PTPRR: variants seen among roughly 807,000 people sequenced by gnomAD.
The protein encoded by PTPRR is receptor-type tyrosine-protein phosphatase R.
PTPRR carries 38 observed loss-of-function variants against 77.2 expected under a neutral mutation model. The ratio of observed to expected loss-of-function variants is 0.49; its 90% CI spans 0.38 to 0.65. The LOEUF (loss-of-function observed/expected upper bound fraction) is 0.65, where lower values mean the gene tolerates loss of function less well. Ranked by LOEUF, PTPRR falls within the 30% of genes least tolerant of loss-of-function variation. The probability of loss-of-function intolerance (pLI) is 0.00; values close to 1 mark genes in which losing one functional copy is unlikely to be tolerated. For synonymous variants in PTPRR, 299 were observed against 283.1 expected (o/e 1.06, Z -0.57); for missense variants, 744 against 799.2 (o/e 0.93, Z 0.83).
intron 13 of PTPRR, among the ~76,000 whole-genome samples, chr12:70,647,385 T>G (rs1016722947): frequency 6.6e-6 from 1 of 152,244 alleles, no homozygotes; most frequent in Non-Finnish European, 1.5e-5. Flanking sequence ...ACGAATTGAT[T>G]TGTAGTCATA....
At chr12:70,729,926 TA>T (rs1889592808) in intron 6 of PTPRR, among the ~76,000 whole-genome samples, 4 of 19,210 alleles carry the variant, frequency 2.1e-4, no homozygotes, top group Non-Finnish European at 8.6e-4. Flanking sequence ...TTTGACGTTC[TA>T]ATGTCATTTG....
At chr12:70,690,783 A>T (rs1364801248) in intron 8 of PTPRR, among the ~76,000 whole-genome samples, 1 of 152,200 alleles carries the variant, frequency 6.6e-6, no homozygotes, top group Non-Finnish European at 1.5e-5. Flanking sequence ...CTTTCCATCA[A>T]GAGTTGAAAG....
At position 70,892,687 on chromosome 12, in the gene PTPRR, T is replaced by C. The variant is rs768301287; in HGVS notation, c.349A>G (p.Ile117Val). The C allele has an allele frequency of 6.2e-7, 1 of 1,612,964 alleles. No individual in the cohort carries two copies. The highest frequency in any genetic ancestry group is 1.3e-5 in the African/African-American group (1 of 74,856). ...ENLPIPAANV[I>V]VVTLQMDVNK... ...TTTAACATACTACTTACCACCACAATTACATTTGCTGCTGGGATTGGGAGA... is the reference window on the plus strand; with the variant it reads ...TTTAACATACTACTTACCACCACAACTACATTTGCTGCTGGGATTGGGAGA... Residue 117 changes from isoleucine (I) to valine (V), a missense_variant, in exon 2 of 14, where the codon ATT becomes GTT. Coordinates refer to ENST00000283228, the MANE Select transcript of PTPRR (RefSeq NM_002849.4).
Position 70,660,147 on chromosome 12 carries a change from A to G in PTPRR, c.1766+793T>C, listed in dbSNP as rs1886741649. 3.3e-5 allele frequency among the ~76,000 whole-genome samples: 5 copies of G among 151,748 alleles called. No individual in the cohort carries two copies. In the South Asian group the frequency reaches 1.0e-3, roughly 32 times the overall value. On this transcript the variant is annotated intron_variant, in intron 12 of 13. Coordinates refer to ENST00000283228, the MANE Select transcript of PTPRR (RefSeq NM_002849.4). ...AGCCGAGATAGCGCCACTGCACTCC[A>G]GCCTGGGTGATAGAGTGAGACTCTG... is the stretch of plus-strand genomic sequence containing the variant.
chr12:70,769,030 A>G (rs1391164257), intron 2 of PTPRR, among the ~76,000 whole-genome samples: 1 of 141,608 alleles, frequency 7.1e-6, no homozygotes, highest in Non-Finnish European at 1.5e-5. Context: ...AGAGGTATCT[A>G]TGACAAACCC....
intron 5 of PTPRR, among the ~76,000 whole-genome samples, chr12:70,751,094 A>C (rs1034977513): frequency 6.6e-6 from 1 of 151,946 alleles, no homozygotes; most frequent in Non-Finnish European, 1.5e-5. Context: ...CAGTGTTTGA[A>C]ATCCATCTAA....
intron 1 of PTPRR, among the ~76,000 whole-genome samples, chr12:70,898,117 C>T (rs927166109): frequency 4.0e-5 from 6 of 151,268 alleles, no homozygotes; most frequent in African/African-American, 7.3e-5. Context: ...CAAACCTGCA[C>T]GTTGTGCACA....
At chr12:70,868,300 C>T (rs1892895082) in intron 2 of PTPRR, among the ~76,000 whole-genome samples, 2 of 150,736 alleles carry the variant, frequency 1.3e-5, no homozygotes, top group East Asian at 2.0e-4. Flanking sequence ...TGACAAAGGG[C>T]TAATATCCAG....
At chr12:70,916,994 A>G (rs1893784819) in intron 1 of PTPRR, among the ~76,000 whole-genome samples, 1 of 152,236 alleles carries the variant, frequency 6.6e-6, no homozygotes, top group Admixed American at 6.5e-5. Context: ...AAGCTTTCAC[A>G]TGAGAATTTT....
At chr12:70,875,312 T>C (rs1171097266) in intron 2 of PTPRR, among the ~76,000 whole-genome samples, 1 of 152,170 alleles carries the variant, frequency 6.6e-6, no homozygotes, top group African/African-American at 2.4e-5. Context: ...AATGTACATA[T>C]TTTTGTGTGA....
intron 7 of PTPRR, 123 bp from the exon 8 acceptor site, chr12:70,698,472 C>T: frequency 1.4e-6 from 1 of 720,710 alleles, no homozygotes; most frequent in Non-Finnish European, 2.3e-6. Flanking sequence ...ACAGATCTAG[C>T]ACCTCTGGTG....
At chr12:70,798,969 C>T (rs1365785470) in intron 2 of PTPRR, among the ~76,000 whole-genome samples, 6 of 151,802 alleles carry the variant, frequency 4.0e-5, no homozygotes, top group African/African-American at 1.5e-4. Context: ...TAAATGCAGG[C>T]AAACAGAAAA....
chr12:70,638,231 C>T lies in PTPRR; in HGVS notation c.*953G>A, dbSNP rs1885829232. 6.6e-6 allele frequency: 1 copy of T among 152,336 alleles called. No homozygotes were observed. Among genetic ancestry groups the T allele is most frequent in the South Asian group, 2.1e-4 (1 of 4,818 alleles). The allele number at this position is 152,336 out of a possible 1,614,324, so 9.4% of individuals were successfully genotyped here. On this transcript the variant is annotated 3_prime_UTR_variant, in exon 14 of 14. Coordinates refer to ENST00000283228, the MANE Select transcript of PTPRR (RefSeq NM_002849.4). ...TTGAAAGCTTTCAGAAATGTAAGGA[C>T]ATACATGGAAATGTCCTTATAAGGA...
chr12:70,885,674 A>G (rs1487772486), intron 2 of PTPRR, among the ~76,000 whole-genome samples: 1 of 151,198 alleles, frequency 6.6e-6, no homozygotes, highest in Admixed American at 6.6e-5. Flanking sequence ...AGCTGGGACT[A>G]TAGGCGCCCA....
intron 2 of PTPRR, among the ~76,000 whole-genome samples, chr12:70,861,347 A>G (rs576844258): frequency 6.6e-6 from 1 of 152,254 alleles, no homozygotes; most frequent in African/African-American, 2.4e-5. Flanking sequence ...CTGTAAAATT[A>G]GTTTCACATG....
At chr12:70,918,807 A>G (rs890480007) in intron 1 of PTPRR, among the ~76,000 whole-genome samples, 2 of 152,200 alleles carry the variant, frequency 1.3e-5, no homozygotes, top group Non-Finnish European at 2.9e-5. Context: ...GTGTCAGTCT[A>G]TTATTAAGCA....
intron 2 of PTPRR, among the ~76,000 whole-genome samples, chr12:70,773,321 T>C (rs1427692992): frequency 1.3e-5 from 2 of 152,184 alleles, no homozygotes; most frequent in East Asian, 1.9e-4. Flanking sequence ...TGGGATGTAA[T>C]TCCACCTTTA....
chr12:70,783,877 G>A (rs1163397564), intron 2 of PTPRR, among the ~76,000 whole-genome samples: 1 of 52,982 alleles, frequency 1.9e-5, no homozygotes, highest in Non-Finnish European at 3.4e-5. Context: ...GGGGGGGGGC[G>A]GGGGGCGGGG....
intron 7 of PTPRR, 77 bp downstream of exon 7, chr12:70,701,060 G>T: frequency 6.7e-7 from 1 of 1,482,736 alleles, no homozygotes; most frequent in Non-Finnish European, 9.3e-7. Context: ...GTATAGGACA[G>T]TATCATTTCC....
Sources: gnomAD v4.1 joint callset for allele counts (sites outside exome capture counted in the v4.1 genomes callset) on GRCh38, gnomAD v4.1.1 for gene constraint, MANE v1.5 for transcripts, NCBI Gene and HGNC (gene_info 2026-07-23, HGNC 2026-07-21) for gene names.